Variants in TCF7L2 observed in about 807,000 individuals in gnomAD.
The protein encoded by TCF7L2 is transcription factor 7 like 2.
Under a neutral mutation model 77.9 loss-of-function variants are expected in TCF7L2, and 23 were observed. The observed-to-expected ratio is 0.30, with a 90% CI of 0.21 to 0.42. The LOEUF is 0.42. TCF7L2 is among the 10% of genes least tolerant of loss of function. The probability of loss-of-function intolerance (pLI) is 1.00; values close to 1 mark genes in which losing one functional copy is unlikely to be tolerated. For synonymous variants in TCF7L2, 413 were observed against 340.2 expected, an observed-to-expected ratio of 1.21 and a Z score of -2.36; for missense variants, 654 against 793.1, an observed-to-expected ratio of 0.82 and a Z score of 2.11.
chr10:113,159,897 G>C (rs112338638), intron 12 of TCF7L2, 23 bp from the exon 14 acceptor site: 3 of 1,458,656 alleles, frequency 2.1e-6, no homozygotes, highest in Admixed American at 2.0e-5. Context: ...TCCTCTGCTC[G>C]CTTCTCTCTT....
intron 4 of TCF7L2, among the ~76,000 whole-genome samples, chr10:113,005,104 C>T (rs887081539): frequency 6.6e-6 from 1 of 152,212 alleles, no homozygotes; most frequent in Non-Finnish European, 1.5e-5. Flanking sequence ...AGACACATTT[C>T]CTGGCACCTA....
intron 4 of TCF7L2, among the ~76,000 whole-genome samples, chr10:112,995,423 C>T (rs1211503896): frequency 2.0e-5 from 3 of 152,112 alleles, no homozygotes; most frequent in East Asian, 1.9e-4. Flanking sequence ...ATGGGAGTGA[C>T]CACCTGCTCT....
intron 5 of TCF7L2, among the ~76,000 whole-genome samples, chr10:113,128,335 CTGCCCAGCCCT>C (rs1471461847): frequency 1.3e-5 from 2 of 152,148 alleles, no homozygotes; most frequent in African/African-American, 4.8e-5. Context: ...ATTTTTAAGC[CTGCCCAGCCCT>C]TGTTTTTGTT....
chr10:112,976,227 T>G (rs2039398099), intron 4 of TCF7L2, among the ~76,000 whole-genome samples: 1 of 152,222 alleles, frequency 6.6e-6, no homozygotes, highest in Non-Finnish European at 1.5e-5. Flanking sequence ...GCTGCTATTT[T>G]TACCATTGAG....
intron 5 of TCF7L2, among the ~76,000 whole-genome samples, chr10:113,056,578 GA>G (rs1260170862): frequency 2.6e-5 from 4 of 152,202 alleles, no homozygotes; most frequent in Non-Finnish European, 4.4e-5. Flanking sequence ...TTATTGGGGA[GA>G]GGGGGCAAGA....
At chr10:112,993,499 C>G (rs113624778) in intron 4 of TCF7L2, among the ~76,000 whole-genome samples, 1 of 151,760 alleles carries the variant, frequency 6.6e-6, no homozygotes, top group Non-Finnish European at 1.5e-5. Context: ...GAGTGAGACT[C>G]TGTCTCAAAA....
rs753700422 is a variant in TCF7L2, at chr10:112,951,625, C to G, written c.381+18C>G. The G allele has an allele frequency of 1.7e-6, 2 of 1,160,508 alleles. No individual in the cohort carries two copies. Among genetic ancestry groups the G allele is most frequent in the Non-Finnish European group, 2.2e-6 (2 of 926,828 alleles). 71.9% of individuals were successfully genotyped at this position (1,160,508 alleles called of 1,614,324 possible). On this transcript the variant is annotated intron_variant, in intron 3 of 13. Coordinates refer to ENST00000627217, the MANE Select transcript of TCF7L2 (RefSeq NM_001146274.2). ...CCCGAACCGTAAGTGCCTCCGCGCC[C>G]GGCCCCCGCCCGCTGCCCGCCCGCC...
Position 112,950,742 on chromosome 10 carries a change from G to T in TCF7L2, c.-15G>T, listed in dbSNP as rs747911345. 8.8e-5 allele frequency: 136 copies of T among 1,549,662 alleles called. 1 individual carries two copies. In the South Asian group the frequency reaches 1.5e-3, roughly 17 times the overall value. On this transcript the variant is annotated 5_prime_UTR_variant, in exon 1 of 14. Coordinates refer to ENST00000627217, the MANE Select transcript of TCF7L2 (RefSeq NM_001146274.2). ...CATTTTTCTTCCAAAATTGCTGCTG[G>T]TGGGTGAAAAAAAAATGCCGCAGCT...
chr10:112,972,165 A>G (rs556759321), intron 4 of TCF7L2, among the ~76,000 whole-genome samples: 1 of 152,238 alleles, frequency 6.6e-6, no homozygotes, highest in Non-Finnish European at 1.5e-5. Context: ...AGTCATTTTC[A>G]CTAGCCAAAT....
intron 5 of TCF7L2, among the ~76,000 whole-genome samples, chr10:113,139,240 C>T (rs1394419971): frequency 6.6e-6 from 1 of 152,188 alleles, no homozygotes; most frequent in Non-Finnish European, 1.5e-5. Context: ...TAACAGTCTC[C>T]ACTTTGTCCG....
At chr10:112,951,458 T>TC in intron 2 of TCF7L2, 25 bp from the exon 3 acceptor site, 1 of 1,398,240 alleles carries the variant, frequency 7.2e-7, no homozygotes, top group Non-Finnish European at 9.5e-7. Context: ...GCCGCCGCTG[T>TC]CCCCTCGCCG....
chr10:113,146,660 T>A (rs2069486613), intron 8 of TCF7L2, among the ~76,000 whole-genome samples: 1 of 152,030 alleles, frequency 6.6e-6, no homozygotes, highest in Admixed American at 6.6e-5. Context: ...TTATTTTTAA[T>A]GACATGTTTT....
chr10:113,135,069 G>A (rs2067197375), intron 5 of TCF7L2, among the ~76,000 whole-genome samples: 1 of 152,228 alleles, frequency 6.6e-6, no homozygotes, highest in Admixed American at 6.5e-5. Flanking sequence ...CCTCTAGGTT[G>A]CCCACAGTTA....
At chr10:112,998,371 A>G (rs965606868) in intron 4 of TCF7L2, among the ~76,000 whole-genome samples, 2 of 152,254 alleles carry the variant, frequency 1.3e-5, no homozygotes, top group Non-Finnish European at 2.9e-5. Context: ...GACATACACA[A>G]AAGTTTTATT....
chr10:113,136,628 A>G (rs1287257032), intron 5 of TCF7L2, among the ~76,000 whole-genome samples: 2 of 152,104 alleles, frequency 1.3e-5, no homozygotes, highest in East Asian at 1.9e-4. Flanking sequence ...CCCGAAAGGA[A>G]CCTGGCCTTA....
At position 113,151,617 on chromosome 10, in the gene TCF7L2, A is replaced by G. The variant is rs988653973; in HGVS notation, c.1002-108A>G. 8 of 1,388,018 alleles carry G rather than the reference A, an allele frequency of 5.8e-6. No individual in the cohort carries two copies. Among genetic ancestry groups the G allele is most frequent in the Non-Finnish European group, 7.6e-6 (8 of 1,048,792 alleles). The allele number at this position is 1,388,018 out of a possible 1,614,324, so 86.0% of individuals were successfully genotyped here. ...AACTAAAAGCATGCTTTTTAATCCA[A>G]AACTGCTAGGCTTGGGGGTTATGAG... On this transcript the variant is annotated intron_variant, in intron 9 of 13. Transcript: ENST00000627217. This position sits in a 1 kb window ranked among gnomAD's most constrained non-coding sequence, Gnocchi z 5.2.
intron 5 of TCF7L2, among the ~76,000 whole-genome samples, chr10:113,050,100 C>T (rs901155327): frequency 6.6e-5 from 10 of 152,186 alleles, no homozygotes; most frequent in Admixed American, 5.2e-4. Flanking sequence ...AATCTGTTTT[C>T]TAGCCCGAGC....
At chr10:113,058,470 T>G (rs924358658) in intron 5 of TCF7L2, among the ~76,000 whole-genome samples, 8 of 152,100 alleles carry the variant, frequency 5.3e-5, no homozygotes, top group Non-Finnish European at 1.0e-4. Context: ...AAATGTGGTT[T>G]TATACCGGGT....
At chr10:113,150,518 A>G (rs894849380) in intron 8 of TCF7L2, among the ~76,000 whole-genome samples, 4 of 152,220 alleles carry the variant, frequency 2.6e-5, no homozygotes, top group African/African-American at 9.6e-5. Flanking sequence ...ATGAGGCCTA[A>G]TGAGGCTTGC....
Sources: gnomAD v4.1 joint callset for allele counts (sites outside exome capture counted in the v4.1 genomes callset) on GRCh38, gnomAD v4.1.1 for gene constraint, Gnocchi (gnomAD v3.1) non-coding constraint, MANE v1.5 for transcripts, NCBI Gene and HGNC (gene_info 2026-07-23, HGNC 2026-07-21) for gene names.